CDH4: variants seen among roughly 807,000 people sequenced by gnomAD.
CDH4 encodes cadherin-4.
A neutral mutation model predicts 86.0 loss-of-function variants in CDH4; 33 were observed. The ratio of observed to expected loss-of-function variants is 0.38; its 90% confidence interval spans 0.29 to 0.51. CDH4 has a LOEUF of 0.51. Ranked by LOEUF, CDH4 falls within the 20% of genes least tolerant of loss-of-function variation. CDH4 has a pLI of 0.86. For synonymous variants in CDH4, 555 were observed against 549.4 expected (o/e 1.01, Z -0.14); for missense variants, 1,114 against 1,307.4 (o/e 0.85, Z 2.28).
At chr20:61,775,151 G>C (rs981083227) in intron 4 of CDH4, among the ~76,000 whole-genome samples, 1 of 152,124 alleles carries the variant, frequency 6.6e-6, no homozygotes, top group Admixed American at 6.5e-5. Context: ...TGATCACTGG[G>C]ATAGTTTGTC....
At chr20:61,763,943 A>G (rs2088668965) in intron 3 of CDH4, among the ~76,000 whole-genome samples, 1 of 152,208 alleles carries the variant, frequency 6.6e-6, no homozygotes, top group Non-Finnish European at 1.5e-5. Flanking sequence ...AAACAGAAAA[A>G]GACGATCATG....
intron 2 of CDH4, among the ~76,000 whole-genome samples, chr20:61,557,428 A>G (rs2086185789): frequency 6.6e-6 from 1 of 152,212 alleles, no homozygotes; most frequent in African/African-American, 2.4e-5. Flanking sequence ...ACTTTCACTA[A>G]GACCACACAA....
intron 2 of CDH4, among the ~76,000 whole-genome samples, chr20:61,465,262 T>C (rs1325348166): frequency 6.6e-6 from 1 of 152,170 alleles, no homozygotes; most frequent in East Asian, 1.9e-4. Flanking sequence ...TAGCATAGCA[T>C]CCAGGAAGAA....
At chr20:61,919,776 G>A (rs6089294) in intron 9 of CDH4, among the ~76,000 whole-genome samples, 17,296 of 150,674 alleles carry the variant, frequency 0.11, 1,685 homozygotes, top group African/African-American at 0.26. Flanking sequence ...GCGTGGTGTC[G>A]CGGTGATTGC....
intron 2 of CDH4, among the ~76,000 whole-genome samples, chr20:61,479,618 A>G (rs2085558297): frequency 1.3e-5 from 2 of 152,232 alleles, no homozygotes; most frequent in African/African-American, 2.4e-5. Context: ...AATACTATGC[A>G]GCCATAAAAA....
chr20:61,643,148 C>T (rs1535140), intron 2 of CDH4, among the ~76,000 whole-genome samples: 91,311 of 152,018 alleles, frequency 0.6, 27,600 homozygotes, highest in East Asian at 0.71. Context: ...TGCATCTGGC[C>T]GGCTTCAGGT....
intron 2 of CDH4, among the ~76,000 whole-genome samples, chr20:61,368,124 C>A (rs913757541): frequency 5.9e-5 from 9 of 152,190 alleles, no homozygotes; most frequent in Non-Finnish European, 1.3e-4. Context: ...CCGCCTCGGC[C>A]TCCCAAAGTG....
chr20:61,720,802 T>C (rs2088031997), intron 2 of CDH4, among the ~76,000 whole-genome samples: 1 of 152,150 alleles, frequency 6.6e-6, no homozygotes, highest in African/African-American at 2.4e-5. Flanking sequence ...TGTTCTCTCA[T>C]TGTACCATCA....
At chr20:61,743,174 A>G (rs1010142050) in intron 2 of CDH4, among the ~76,000 whole-genome samples, 6 of 152,192 alleles carry the variant, frequency 3.9e-5, no homozygotes, top group African/African-American at 1.4e-4. Context: ...TGCTGGCAGG[A>G]AGAAGATTTG....
intron 12 of CDH4, 85 bp from the exon 13 acceptor site, chr20:61,929,524 C>A: frequency 1.0e-6 from 1 of 978,106 alleles, no homozygotes; most frequent in Non-Finnish European, 1.6e-6. Flanking sequence ...TCCATGCCAT[C>A]GGACTTTTAG....
At chr20:61,605,838 T>C (rs2086640977) in intron 2 of CDH4, among the ~76,000 whole-genome samples, 1 of 150,016 alleles carries the variant, frequency 6.7e-6, no homozygotes, top group Non-Finnish European at 1.5e-5. Context: ...TGGATCCTTG[T>C]ACAGAGAGGG....
At chr20:61,611,247 G>T (rs532974157) in intron 2 of CDH4, among the ~76,000 whole-genome samples, 1 of 152,170 alleles carries the variant, frequency 6.6e-6, no homozygotes, top group East Asian at 1.9e-4. Context: ...GGGGCAAAAA[G>T]TTCCCATAAT....
chr20:61,263,832 C>T (rs2084140983), intron 2 of CDH4, among the ~76,000 whole-genome samples: 1 of 152,122 alleles, frequency 6.6e-6, no homozygotes, highest in South Asian at 2.1e-4. Flanking sequence ...CTCCTCAGGG[C>T]TCCTGCACTC....
chr20:61,253,306 C>G (rs962008343), intron 1 of CDH4, among the ~76,000 whole-genome samples: 5 of 151,358 alleles, frequency 3.3e-5, no homozygotes, highest in African/African-American at 1.2e-4. Context: ...GCGGGTCTCC[C>G]GCTGCCTCTG....
chr20:61,770,559 G>A (rs1292903982), intron 3 of CDH4, among the ~76,000 whole-genome samples: 1 of 152,220 alleles, frequency 6.6e-6, no homozygotes, highest in Non-Finnish European at 1.5e-5. Flanking sequence ...GCTGTCAGCC[G>A]CAGGAGTCAT....
chr20:61,287,159 C>A (rs1245350604), intron 2 of CDH4, among the ~76,000 whole-genome samples: 2 of 152,192 alleles, frequency 1.3e-5, no homozygotes, highest in Non-Finnish European at 2.9e-5. Context: ...GCAGCCTTGT[C>A]ATGTGGTGAA....
At chr20:61,702,574 C>T (rs368687276) in intron 2 of CDH4, among the ~76,000 whole-genome samples, 1 of 152,186 alleles carries the variant, frequency 6.6e-6, no homozygotes, top group African/African-American at 2.4e-5. Context: ...AAGCTGAGTG[C>T]GACCTTGAGC....
At chr20:61,886,562 C>T (rs1023399709) in intron 7 of CDH4, among the ~76,000 whole-genome samples, 1 of 152,184 alleles carries the variant, frequency 6.6e-6, no homozygotes, top group African/African-American at 2.4e-5. Context: ...GTGCAGGACT[C>T]CCGCTGCCCG....
intron 2 of CDH4, among the ~76,000 whole-genome samples, chr20:61,727,468 A>G (rs2088129878): frequency 6.6e-6 from 1 of 152,178 alleles, no homozygotes; most frequent in African/African-American, 2.4e-5. Flanking sequence ...TGCCAATATC[A>G]TATGCGTTAT....
Sources: allele counts gnomAD v4.1 joint callset (sites outside exome capture counted in the v4.1 genomes callset), GRCh38; gene constraint gnomAD v4.1.1; transcripts MANE v1.5; gene names NCBI Gene and HGNC (gene_info 2026-07-23, HGNC 2026-07-21).